Variants in KDM4B observed in about 807,000 individuals in gnomAD.
KDM4B encodes lysine demethylase 4B.
In KDM4B, 32 loss-of-function variants were observed where a neutral mutation model predicts 125.2. The observed-to-expected ratio is 0.26, with a 90% CI of 0.19 to 0.34. The LOEUF is 0.34. KDM4B is among the 10% of genes least tolerant of loss of function. The probability of loss-of-function intolerance (pLI) is 1.00; values close to 1 mark genes in which losing one functional copy is unlikely to be tolerated. For missense variants in KDM4B, 1,190 were observed against 1,577.7 expected (o/e 0.75, Z 4.16); for synonymous variants, 721 against 677.9 (o/e 1.06, Z -0.99).
intron 2 of KDM4B, among the ~76,000 whole-genome samples, chr19:5,026,868 C>A (rs188923646): frequency 6.6e-6 from 1 of 152,350 alleles, no homozygotes; most frequent in African/African-American, 2.4e-5. Context: ...CCCATAGGAG[C>A]TGACTGCCGC....
rs1017250353 is a variant in KDM4B at position 5,151,057 on chromosome 19, G to T, written c.3115-278G>T. Among the ~76,000 whole-genome samples the T allele has an allele frequency of 3.3e-5, 5 of 152,292 alleles. No homozygotes were observed. The East Asian group carries it at 9.7e-4, about 29-fold the overall frequency. The stretch of plus-strand genomic sequence containing the variant: ...TGGCCACAGCTGCTCAGCCGCAGAG[G>T]GGTCCCTCGGAAAACAGATGGGAGC... On this transcript the variant is annotated intron_variant, in intron 22 of 22. Coordinates refer to ENST00000159111, the MANE Select transcript of KDM4B (RefSeq NM_015015.3).
chr19:5,053,574 C>T (rs2145735855), intron 6 of KDM4B, among the ~76,000 whole-genome samples: 1 of 152,352 alleles, frequency 6.6e-6, no homozygotes, highest in South Asian at 2.1e-4. Flanking sequence ...TCCTCCCTGG[C>T]TCACTGAGAC....
rs1222190896 is a variant in KDM4B at position 5,153,457 on chromosome 19, T to A, written c.*1946T>A. ...CACACTCTCCCCACGAAGGTATCTC[T>A]GTGTCTTACTCTGTGCAAAGACGCG... On this transcript the variant is annotated 3_prime_UTR_variant, in exon 23 of 23. Transcript: ENST00000159111. 2.6e-5 allele frequency: 4 copies of A among 152,252 alleles called. No individual in the cohort carries two copies. The highest frequency in any genetic ancestry group is 5.9e-5 in the Non-Finnish European group (4 of 68,058). The allele number at this position is 152,252 out of a possible 1,614,324, so 9.4% of individuals were successfully genotyped here.
chr19:4,969,412 C>T (rs1195673997), intron 1 of KDM4B, among the ~76,000 whole-genome samples, 182 bp downstream of exon 1: 4 of 147,078 alleles, frequency 2.7e-5, no homozygotes, highest in African/African-American at 4.9e-5. Context: ...GGGCGTTAAC[C>T]GCCCGGCCCG....
chr19:5,044,581 C>T (rs112489578), intron 5 of KDM4B, among the ~76,000 whole-genome samples: 2 of 152,190 alleles, frequency 1.3e-5, no homozygotes, highest in African/African-American at 4.8e-5. Context: ...CAGAGTCTTG[C>T]TCTGTCACCT....
intron 9 of KDM4B, among the ~76,000 whole-genome samples, chr19:5,086,054 C>T (rs1202907082): frequency 1.3e-5 from 2 of 152,130 alleles, no homozygotes; most frequent in Non-Finnish European, 2.9e-5. Context: ...CTCCCCTGTC[C>T]CATTTGCGTT....
intron 10 of KDM4B, among the ~76,000 whole-genome samples, chr19:5,116,405 G>A (rs947762212): frequency 3.3e-5 from 5 of 152,198 alleles, no homozygotes; most frequent in Admixed American, 3.3e-4. Context: ...GTCAAGAAAT[G>A]TGTGAGGGGA....
intron 5 of KDM4B, 137 bp from the exon 6 acceptor site, chr19:5,047,339 G>C: frequency 4.1e-6 from 3 of 727,604 alleles, no homozygotes; most frequent in Admixed American, 5.8e-5. Context: ...ACCGGCCCCT[G>C]GGGGGGCCGC....
rs1396527479 is a variant in KDM4B, at chr19:5,114,034, G to A, written c.1115+3216G>A. ...GGCTGTTTGTATTCTTCCCCCTGAT[G>A]GATGGGTCGCCTAAAACTGCAGCCT... On this transcript the variant is annotated intron_variant, in intron 10 of 22. Transcript: ENST00000159111. This position sits in a 1 kb window ranked among gnomAD's most constrained non-coding sequence, Gnocchi z 5.8. 5.5e-6 allele frequency: 7 copies of A among 1,284,380 alleles called. No homozygotes were observed. In the East Asian group the frequency reaches 3.9e-4, roughly 72 times the overall value. 79.6% of individuals were successfully genotyped at this position (1,284,380 alleles called of 1,614,324 possible). A position where few individuals can be genotyped will look rare whatever the true frequency, so the allele number is the denominator to read the frequency against.
rs368701925 is a variant in KDM4B at position 5,101,349 on chromosome 19, C to T, written c.919-9273C>T. 6.5e-4 allele frequency among the ~76,000 whole-genome samples: 97 copies of T among 148,432 alleles called. 1 individual carries two copies. The East Asian group carries it at 0.011, about 16-fold the overall frequency. On this transcript the variant is annotated intron_variant, in intron 9 of 22. Coordinates refer to ENST00000159111, the MANE Select transcript of KDM4B (RefSeq NM_015015.3). ...CCATCTCTCTGATGCTTGGGGGTAA[C>T]GATCTAGTGTAATGATTACAAGTGA... is the stretch of plus-strand genomic sequence containing the variant.
chr19:4,977,152 G>A (rs1216864695), intron 1 of KDM4B, among the ~76,000 whole-genome samples: 1 of 152,066 alleles, frequency 6.6e-6, no homozygotes, highest in Admixed American at 6.6e-5. Flanking sequence ...AAACACGAGG[G>A]GATGGATGAC....
At chr19:5,055,195 G>A (rs1165427965) in intron 6 of KDM4B, among the ~76,000 whole-genome samples, 1 of 152,192 alleles carries the variant, frequency 6.6e-6, no homozygotes, top group Non-Finnish European at 1.5e-5. Flanking sequence ...TGTCCCCAAG[G>A]ACTGGGAGAA....
intron 9 of KDM4B, among the ~76,000 whole-genome samples, chr19:5,090,179 C>G (rs1027771464): frequency 6.6e-6 from 1 of 152,148 alleles, no homozygotes; most frequent in Non-Finnish European, 1.5e-5. Flanking sequence ...GGGGTCCTAG[C>G]CCCTGGGTCT....
At chr19:4,995,183 C>A (rs1236449399) in intron 1 of KDM4B, among the ~76,000 whole-genome samples, 1 of 152,176 alleles carries the variant, frequency 6.6e-6, no homozygotes, top group African/African-American at 2.4e-5. Context: ...AGGACACCAG[C>A]TCCCCTGTCA....
At chr19:4,996,260 G>T (rs2035197193) in intron 1 of KDM4B, among the ~76,000 whole-genome samples, 1 of 152,204 alleles carries the variant, frequency 6.6e-6, no homozygotes, top group Non-Finnish European at 1.5e-5. Context: ...AAAGCGTTGG[G>T]ATTATAGGCG....
At chr19:5,019,723 AGGTGTGGGTGTT>A (rs1277791785) in intron 2 of KDM4B, among the ~76,000 whole-genome samples, 6 of 58,216 alleles carry the variant, frequency 1.0e-4, no homozygotes, top group South Asian at 6.2e-4. Flanking sequence ...GGTGGTGTGC[AGGTGTGGGTGTT>A]GGTGTGGGTG....
intron 6 of KDM4B, 150 bp downstream of exon 6, chr19:5,047,819 G>A (rs757739424): frequency 7.8e-5 from 57 of 732,120 alleles, no homozygotes; most frequent in Middle Eastern, 3.9e-4. Context: ...CTTCCGGACC[G>A]CCTGGGGTCA....
chr19:5,144,665 C>T (rs552986712), intron 20 of KDM4B, 118 bp from the exon 21 acceptor site: 1 of 1,446,988 alleles, frequency 6.9e-7, no homozygotes, highest in Non-Finnish European at 9.4e-7. Flanking sequence ...CCCCCGCAGC[C>T]AGCTTTGGGG....
At chr19:4,993,019 A>G (rs2035077032) in intron 1 of KDM4B, among the ~76,000 whole-genome samples, 1 of 152,236 alleles carries the variant, frequency 6.6e-6, no homozygotes, top group Non-Finnish European at 1.5e-5. Context: ...TTCCATATGT[A>G]CTGAGAAGAG....
Sources: allele counts gnomAD v4.1 joint callset (sites outside exome capture counted in the v4.1 genomes callset), GRCh38; gene constraint gnomAD v4.1.1; non-coding constraint Gnocchi (gnomAD v3.1); transcripts MANE v1.5; gene names NCBI Gene and HGNC (gene_info 2026-07-23, HGNC 2026-07-21).